Variants in STK32A observed in about 807,000 individuals in gnomAD.
STK32A encodes the protein serine/threonine kinase 32A, also known as serine/threonine-protein kinase 32A.
Under a neutral mutation model 53.2 loss-of-function variants are expected in STK32A, and 41 were observed. The ratio of observed to expected loss-of-function variants is 0.77; its 90% CI spans 0.60 to 1.00. STK32A has a LOEUF of 1.00. STK32A is among the 50% of genes least tolerant of loss of function. The pLI is 0.00. For missense variants in STK32A, 458 were observed against 485.8 expected, an observed-to-expected ratio of 0.94 and a Z score of 0.54; for synonymous variants, 166 against 162.8, an observed-to-expected ratio of 1.02 and a Z score of -0.15.
rs914054281 is a variant in STK32A at position 147,239,740 on chromosome 5, T to C, written c.52+54T>C. On this transcript the variant is annotated intron_variant, in intron 2 of 12. Coordinates refer to ENST00000397936, the MANE Select transcript of STK32A (RefSeq NM_001112724.2). ...AAAATAGAATTTTGCAAAATTCAAG[T>C]ATATGCTTCTAGTTTCATAAGTTAA... is the stretch of plus-strand genomic sequence containing the variant. 4.6e-6 allele frequency: 6 copies of C among 1,318,238 alleles called. No individual in the cohort carries two copies. The African/African-American group carries it at 8.8e-5, about 19-fold the overall frequency. 81.7% of individuals were successfully genotyped at this position (1,318,238 alleles called of 1,614,324 possible). A position where few individuals can be genotyped will look rare whatever the true frequency, so the allele number is the denominator to read the frequency against.
At chr5:147,342,985 T>C (rs1374244972) in intron 5 of STK32A, 21 bp from the exon 6 acceptor site, 2 of 1,612,806 alleles carry the variant, frequency 1.2e-6, no homozygotes, top group Non-Finnish European at 1.7e-6. Flanking sequence ...GCAACTTTCT[T>C]TTTTCTTTTT....
chr5:147,298,587 C>T (rs1011022780), intron 4 of STK32A, among the ~76,000 whole-genome samples: 6 of 152,156 alleles, frequency 3.9e-5, no homozygotes, highest in Non-Finnish European at 7.3e-5. Context: ...AGGAGGAAAC[C>T]TCAGTTTTAG....
chr5:147,263,555 T>C (rs1177943169), intron 2 of STK32A, among the ~76,000 whole-genome samples: 1 of 151,612 alleles, frequency 6.6e-6, no homozygotes, highest in Non-Finnish European at 1.5e-5. Flanking sequence ...ACAAACAAAA[T>C]AGATACCAAG....
At chr5:147,357,191 G>A (rs1756286709) in intron 7 of STK32A, among the ~76,000 whole-genome samples, 1 of 152,016 alleles carries the variant, frequency 6.6e-6, no homozygotes, top group Admixed American at 6.5e-5. Context: ...TCTGGTCAAA[G>A]CCTTTACATG....
chr5:147,305,033 G>T (rs73260277), intron 4 of STK32A, among the ~76,000 whole-genome samples: 2 of 151,878 alleles, frequency 1.3e-5, no homozygotes, highest in Non-Finnish European at 2.9e-5. Context: ...GGAGTTTGAA[G>T]TGATTACTCC....
intron 4 of STK32A, among the ~76,000 whole-genome samples, chr5:147,284,704 CAACAA>C (rs1752244885): frequency 3.8e-5 from 3 of 78,008 alleles, no homozygotes; most frequent in African/African-American, 1.1e-4. Context: ...AACAAAAAAA[CAACAA>C]AAAAAAAACA....
intron 7 of STK32A, among the ~76,000 whole-genome samples, chr5:147,355,571 G>C (rs1350681112): frequency 1.3e-5 from 2 of 151,982 alleles, no homozygotes; most frequent in Admixed American, 6.6e-5. Context: ...CCAGCTACTC[G>C]GGAGGCTGAG....
intron 8 of STK32A, among the ~76,000 whole-genome samples, chr5:147,368,601 A>C (rs1192345458): frequency 6.6e-6 from 1 of 152,232 alleles, no homozygotes; most frequent in Non-Finnish European, 1.5e-5. Context: ...TAGGCATTCA[A>C]TAAATAATTG....
At chr5:147,294,434 G>T (rs1385601195) in intron 4 of STK32A, among the ~76,000 whole-genome samples, 9 of 151,636 alleles carry the variant, frequency 5.9e-5, no homozygotes, top group South Asian at 2.1e-4. Context: ...GCTAATTTTT[G>T]TATTTTTAGT....
chr5:147,354,412 C>A (rs934431272), intron 7 of STK32A, among the ~76,000 whole-genome samples: 1 of 152,114 alleles, frequency 6.6e-6, no homozygotes, highest in Admixed American at 6.5e-5. Flanking sequence ...TCTTTCCTCT[C>A]CCCAGTGGTT....
chr5:147,302,995 G>A (rs1214942876), intron 4 of STK32A, among the ~76,000 whole-genome samples: 1 of 152,032 alleles, frequency 6.6e-6, no homozygotes, highest in Non-Finnish European at 1.5e-5. Context: ...ATGCAATGGA[G>A]GTCAAATTCC....
intron 5 of STK32A, among the ~76,000 whole-genome samples, chr5:147,329,240 T>C (rs1246094287): frequency 6.6e-6 from 1 of 152,232 alleles, no homozygotes; most frequent in African/African-American, 2.4e-5. Context: ...TGATTCCAGA[T>C]TCATCTTAGG....
chr5:147,245,149 C>T (rs927331294), intron 2 of STK32A, among the ~76,000 whole-genome samples: 1 of 152,098 alleles, frequency 6.6e-6, no homozygotes, highest in African/African-American at 2.4e-5. Context: ...TTTTATCCCC[C>T]TGAGGTTATT....
intron 4 of STK32A, among the ~76,000 whole-genome samples, chr5:147,292,653 G>A (rs1327571004): frequency 1.3e-5 from 2 of 152,184 alleles, no homozygotes; most frequent in Non-Finnish European, 2.9e-5. Context: ...TGGATCACCT[G>A]AGGTCGGGAG....
chr5:147,395,289 T>G, the STK32A span, among the ~76,000 whole-genome samples: 1 of 152,222 alleles, frequency 6.6e-6, no homozygotes, highest in African/African-American at 2.4e-5. Flanking sequence ...TCCCCGACCC[T>G]GCCCCCAACC....
chr5:147,239,517 A>T, intron 1 of STK32A, 22 bp from the exon 2 acceptor site: 1 of 720,740 alleles, frequency 1.4e-6, no homozygotes, highest in Non-Finnish European at 2.3e-6. Context: ...TTATTAGGGT[A>T]CTATTTCTTT....
chr5:147,274,356 C>G (rs192336281), intron 2 of STK32A, among the ~76,000 whole-genome samples: 4 of 152,308 alleles, frequency 2.6e-5, no homozygotes, highest in Admixed American at 2.0e-4. Context: ...ACCTTCAAGG[C>G]CCCACAAAGA....
At chr5:147,313,063 C>CAAA (rs71583952) in intron 4 of STK32A, among the ~76,000 whole-genome samples, 27 of 78,630 alleles carry the variant, frequency 3.4e-4, no homozygotes, top group African/African-American at 3.9e-4. Context: ...CTCATCTCTA[C>CAAA]AAAAAAAAAA....
intron 4 of STK32A, among the ~76,000 whole-genome samples, chr5:147,319,036 T>A (rs1754160823): frequency 6.6e-6 from 1 of 152,184 alleles, no homozygotes; most frequent in South Asian, 2.1e-4. Flanking sequence ...ATTTAGAGTG[T>A]TGTCTCAGCT....
Sources: gnomAD v4.1 joint callset for allele counts (sites outside exome capture counted in the v4.1 genomes callset) on GRCh38, gnomAD v4.1.1 for gene constraint, MANE v1.5 for transcripts, NCBI Gene and HGNC (gene_info 2026-07-23, HGNC 2026-07-21) for gene names.